The following UGGT1 variants were observed in gnomAD, a reference collection of about 807,000 sequenced individuals.
UGGT1 encodes UDP-glucose glycoprotein glucosyltransferase 1.
In UGGT1, 107 loss-of-function variants were observed where a neutral mutation model predicts 203.9. That is an observed-to-expected ratio of 0.52 (90% CI 0.45 to 0.62). The LOEUF (loss-of-function observed/expected upper bound fraction) is 0.62, where lower values mean the gene tolerates loss of function less well. Ranked by LOEUF, UGGT1 falls within the 20% of genes least tolerant of loss-of-function variation. UGGT1 has a pLI of 0.00. For missense variants in UGGT1, 1,673 were observed against 1,867.2 expected (o/e 0.90, Z 1.92); for synonymous variants, 628 against 653.5 (o/e 0.96, Z 0.59).
intron 7 of UGGT1, 113 bp from the exon 8 acceptor site, chr2:128,116,152 G>T (rs535768752): frequency 3.8e-5 from 24 of 631,806 alleles, no homozygotes; most frequent in Non-Finnish European, 6.4e-5. Context: ...ATAATTTCAG[G>T]GGTTTCTGAT....
In UGGT1 at chr2:128,091,291, T is replaced by A; in HGVS notation, c.-67T>A. 1 of 1,463,754 alleles carries A rather than the reference T, an allele frequency of 6.8e-7. No individual in the cohort carries two copies. The highest frequency in any genetic ancestry group is 9.1e-7 in the Non-Finnish European group (1 of 1,100,952). The allele number at this position is 1,463,754 out of a possible 1,614,324, so 90.7% of individuals were successfully genotyped here. On this transcript the variant is annotated 5_prime_UTR_variant, in exon 1 of 41. Transcript: ENST00000259253. The stretch of plus-strand genomic sequence containing the variant: ...TCACTGGCGCAGCCTGCACTGCCGC[T>A]GCCGCCTCGCCCCGCCCTGCCCTGG...
chr2:128,132,604 C>T (rs1317746815), intron 13 of UGGT1, among the ~76,000 whole-genome samples: 1 of 152,192 alleles, frequency 6.6e-6, no homozygotes, highest in African/African-American at 2.4e-5. Context: ...TTTATGTCTT[C>T]TTCATTCTTG....
chr2:128,174,624 G>C (rs965815571), intron 30 of UGGT1, 149 bp from the exon 31 acceptor site: 4 of 708,096 alleles, frequency 5.6e-6, no homozygotes, highest in African/African-American at 5.4e-5. Context: ...TTAATGTGTA[G>C]TTTTGGTTTT....
chr2:128,109,139 G>T (rs1224520595), intron 4 of UGGT1, among the ~76,000 whole-genome samples: 1 of 152,096 alleles, frequency 6.6e-6, no homozygotes, highest in Non-Finnish European at 1.5e-5. Context: ...AGATCTGCCT[G>T]CCTCTGCCCC....
chr2:128,106,468 T>A (rs1687609533), intron 3 of UGGT1, among the ~76,000 whole-genome samples: 1 of 152,236 alleles, frequency 6.6e-6, no homozygotes, highest in Non-Finnish European at 1.5e-5. Flanking sequence ...CTTATCTAGT[T>A]TTACGTAGAG....
chr2:128,171,456 A>G lies in UGGT1; in HGVS notation c.3104+172A>G. ...TTCTAATCAGAAGTTCTAAGAACAT[A>G]GTGTGTTTGTAGCATTTAGGTGGCA... is the stretch of plus-strand genomic sequence containing the variant. On this transcript the variant is annotated intron_variant, in intron 28 of 40. Coordinates refer to ENST00000259253, the MANE Select transcript of UGGT1 (RefSeq NM_020120.4). 4.8e-6 allele frequency: 3 copies of G among 627,462 alleles called. No homozygotes were observed. The South Asian group carries it at 6.3e-5, about 13-fold the overall frequency. The allele number at this position is 627,462 out of a possible 1,614,324, so 38.9% of individuals were successfully genotyped here.
intron 13 of UGGT1, among the ~76,000 whole-genome samples, chr2:128,131,094 G>A (rs1445818305): frequency 3.3e-5 from 5 of 151,652 alleles, no homozygotes; most frequent in South Asian, 2.1e-4. Context: ...TTAGCTGGGC[G>A]TGGTGGTACA....
At chr2:128,139,232 A>G (rs1035805643) in intron 16 of UGGT1, among the ~76,000 whole-genome samples, 3 of 152,194 alleles carry the variant, frequency 2.0e-5, no homozygotes, top group African/African-American at 7.2e-5. Context: ...ATCTTCCACA[A>G]CGGCTACCTT....
intron 40 of UGGT1, among the ~76,000 whole-genome samples, chr2:128,189,451 A>C (rs1480385962): frequency 6.6e-6 from 1 of 152,244 alleles, no homozygotes; most frequent in Non-Finnish European, 1.5e-5. Context: ...AATGCATGCA[A>C]CGTTTACTGA....
At chr2:128,145,748 C>A in intron 17 of UGGT1, 55 bp from the exon 18 acceptor site, 1 of 1,442,726 alleles carries the variant, frequency 6.9e-7, no homozygotes, top group South Asian at 1.6e-5. Context: ...TGCTGTGTTC[C>A]ATTTGTCTCA....
intron 6 of UGGT1, among the ~76,000 whole-genome samples, chr2:128,114,183 T>C (rs1193231979): frequency 6.6e-6 from 1 of 152,144 alleles, no homozygotes; most frequent in Non-Finnish European, 1.5e-5. Context: ...AGTGGCGCGA[T>C]TTCAGCTCAC....
chr2:128,161,343 T>G, intron 25 of UGGT1, 75 bp downstream of exon 25: 1 of 1,531,026 alleles, frequency 6.5e-7, no homozygotes, highest in Non-Finnish European at 8.8e-7. Flanking sequence ...GAATTATATG[T>G]TGTTACTCAT....
At chr2:128,116,142 A>G (rs968040401) in intron 7 of UGGT1, 123 bp from the exon 8 acceptor site, 5 of 594,854 alleles carry the variant, frequency 8.4e-6, no homozygotes, top group African/African-American at 1.9e-5. Context: ...TTTAAATGGT[A>G]TAATTTCAGG....
At chr2:128,167,161 C>A (rs913100500) in intron 26 of UGGT1, among the ~76,000 whole-genome samples, 9 of 152,152 alleles carry the variant, frequency 5.9e-5, no homozygotes, top group Admixed American at 2.0e-4. Context: ...CGGGAGGAAA[C>A]CTTTCCTAAT....
At chr2:128,158,671 C>T (rs1270507922) in intron 22 of UGGT1, among the ~76,000 whole-genome samples, 1 of 152,146 alleles carries the variant, frequency 6.6e-6, no homozygotes, top group Non-Finnish European at 1.5e-5. Flanking sequence ...TGAATATTCT[C>T]GTATGTCTTT....
chr2:128,109,853 G>T, intron 5 of UGGT1, 107 bp downstream of exon 5: 3 of 856,838 alleles, frequency 3.5e-6, no homozygotes, highest in Non-Finnish European at 1.9e-6. Flanking sequence ...AGGTGTAATG[G>T]TTTAGAGTAT....
intron 2 of UGGT1, among the ~76,000 whole-genome samples, chr2:128,099,782 AT>A (rs1268916605): frequency 1.3e-5 from 2 of 152,180 alleles, no homozygotes; most frequent in Non-Finnish European, 2.9e-5. Flanking sequence ...TCAGAACTTT[AT>A]TTGATACAGC....
intron 1 of UGGT1, among the ~76,000 whole-genome samples, chr2:128,094,395 C>A (rs920611128): frequency 6.6e-6 from 1 of 152,116 alleles, no homozygotes; most frequent in African/African-American, 2.4e-5. Context: ...TTTTTTCTTA[C>A]GATAAAATGT....
intron 14 of UGGT1, 102 bp from the exon 15 acceptor site, chr2:128,134,774 G>T: frequency 1.0e-6 from 1 of 962,864 alleles, no homozygotes; most frequent in Non-Finnish European, 1.6e-6. Flanking sequence ...AGCGTAGCTC[G>T]AAAAAGGTTG....
Sources: gnomAD v4.1 joint callset for allele counts (sites outside exome capture counted in the v4.1 genomes callset) on GRCh38, gnomAD v4.1.1 for gene constraint, MANE v1.5 for transcripts, NCBI Gene and HGNC (gene_info 2026-07-23, HGNC 2026-07-21) for gene names.